RAPGEF4: variants seen among roughly 807,000 people sequenced by gnomAD.
The protein encoded by RAPGEF4 is Rap guanine nucleotide exchange factor 4, also known as RAP guanine-nucleotide-exchange factor (GEF) 4.
RAPGEF4 carries 66 observed loss-of-function variants against 147.9 expected under a neutral mutation model. The observed-to-expected ratio is 0.45, with a 90% CI of 0.37 to 0.55. RAPGEF4 has a LOEUF of 0.55. Among genes scored for constraint, RAPGEF4 ranks in the 20% least tolerant of loss-of-function variants. The pLI is 0.00. For synonymous variants in RAPGEF4, 419 were observed against 442.7 expected (o/e 0.95, Z 0.67); for missense variants, 1,071 against 1,257.3 (o/e 0.85, Z 2.24).
At chr2:172,831,820 T>C (rs1384187345) in intron 4 of RAPGEF4, among the ~76,000 whole-genome samples, 1 of 152,184 alleles carries the variant, frequency 6.6e-6, no homozygotes, top group African/African-American at 2.4e-5. Flanking sequence ...TCGAAGACGT[T>C]ATCCCTGTAA....
At chr2:172,883,282 T>C (rs1696820679) in intron 4 of RAPGEF4, among the ~76,000 whole-genome samples, 1 of 152,180 alleles carries the variant, frequency 6.6e-6, no homozygotes, top group African/African-American at 2.4e-5. Context: ...CTTCTTGCTG[T>C]ATCATCTCAT....
intron 6 of RAPGEF4, among the ~76,000 whole-genome samples, chr2:172,927,265 A>C (rs1381266972): frequency 6.6e-6 from 1 of 152,218 alleles, no homozygotes; most frequent in Non-Finnish European, 1.5e-5. Context: ...TTTGACTGTG[A>C]GGGTCAAAAG....
At chr2:172,821,128 T>A (rs933471225) in intron 4 of RAPGEF4, among the ~76,000 whole-genome samples, 1 of 152,226 alleles carries the variant, frequency 6.6e-6, no homozygotes, top group Non-Finnish European at 1.5e-5. Context: ...AATTAATATC[T>A]CAGAACACAG....
chr2:172,765,682 T>C (rs1680892364), intron 1 of RAPGEF4, among the ~76,000 whole-genome samples: 1 of 152,236 alleles, frequency 6.6e-6, no homozygotes, highest in Non-Finnish European at 1.5e-5. Flanking sequence ...TCCTCATATT[T>C]TCCTATGACC....
At position 172,797,579 on chromosome 2, in the gene RAPGEF4, T is replaced by A. The variant is rs1315802786; in HGVS notation, c.263T>A (p.Leu88Ter). The A allele has an allele frequency of 3.1e-6, 5 of 1,613,750 alleles. No individual in the cohort carries two copies. The highest frequency in any genetic ancestry group is 4.2e-6 in the Non-Finnish European group (5 of 1,179,878). Residue 88 changes from leucine to a stop codon, truncating the protein, a stop_gained, in exon 3 of 31, where the codon TTG becomes TAG. Transcript: ENST00000397081. LOFTEE classifies it high-confidence loss of function. ...TNWYAVLAGSLDVKVSETSSH... is the reference protein window; with the variant it reads ...TNWYAVLAGS ...TGGTATGCTGTCCTGGCAGGGTCTT[T>A]GGATGTTAAAGTATCTGAGACCAGC...
intron 4 of RAPGEF4, among the ~76,000 whole-genome samples, chr2:172,856,850 C>CTACA (rs1693469882): frequency 1.3e-5 from 2 of 152,152 alleles, no homozygotes; most frequent in Non-Finnish European, 2.9e-5. Flanking sequence ...ACCAGGAAGA[C>CTACA]TACAGGCTTT....
rs1478034581 is a variant in RAPGEF4 at position 172,922,271 on chromosome 2, C to T, written c.518-10C>T. 6.2e-7 allele frequency: 1 copy of T among 1,607,650 alleles called. No individual in the cohort carries two copies. The highest frequency in any genetic ancestry group is 8.5e-7 in the Non-Finnish European group (1 of 1,174,170). On this transcript the variant is annotated splice_polypyrimidine_tract_variant and intron_variant, in intron 5 of 30. Coordinates refer to ENST00000397081, the MANE Select transcript of RAPGEF4 (RefSeq NM_007023.4). The stretch of plus-strand genomic sequence containing the variant: ...TCATGGCCTCTCTCTGTCTCTTTTT[C>T]CTCCTTTAGGGATTCCTGACAAGGA...
At chr2:172,847,340 T>C (rs1476210540) in intron 4 of RAPGEF4, among the ~76,000 whole-genome samples, 1 of 152,114 alleles carries the variant, frequency 6.6e-6, no homozygotes, top group African/African-American at 2.4e-5. Context: ...GGAAACAATA[T>C]GAAAATGGTC....
chr2:173,042,714 C>T lies in RAPGEF4; in HGVS notation c.2854-5886C>T, dbSNP rs945549972. Among the ~76,000 whole-genome samples the T allele has an allele frequency of 6.6e-6, 1 of 152,150 alleles. No individual in the cohort carries two copies. Among genetic ancestry groups the T allele is most frequent in the South Asian group, 2.1e-4 (1 of 4,828 alleles). On this transcript the variant is annotated intron_variant, in intron 29 of 30. Transcript: ENST00000397081. This position sits in a 1 kb window ranked among gnomAD's most constrained non-coding sequence, Gnocchi z 4.2. ...ATTATAAAAGATGACTTTCCCTTAGCCTCTGTTCCTAACCAGACATTATTC... is the reference window on the plus strand; with the variant it reads ...ATTATAAAAGATGACTTTCCCTTAGTCTCTGTTCCTAACCAGACATTATTC...
intron 4 of RAPGEF4, among the ~76,000 whole-genome samples, chr2:172,855,675 A>G (rs1490230265): frequency 6.6e-6 from 1 of 152,144 alleles, no homozygotes; most frequent in African/African-American, 2.4e-5. Context: ...TTGGCCTCCA[A>G]TGTTGAAGAA....
At chr2:172,905,037 A>G (rs988295486) in intron 4 of RAPGEF4, among the ~76,000 whole-genome samples, 2 of 151,324 alleles carry the variant, frequency 1.3e-5, no homozygotes, top group African/African-American at 4.9e-5. Context: ...CCTTGCCCTT[A>G]TTCTCCACCC....
chr2:172,990,171 TA>T lies in RAPGEF4; in HGVS notation c.1375-637del, dbSNP rs150644382. Among the ~76,000 whole-genome samples the T allele has an allele frequency of 6.1e-3, 927 of 152,278 alleles. 14 individuals are homozygous for T. The highest frequency in any genetic ancestry group is 0.021 in the African/African-American group (878 of 41,562). On this transcript the variant is annotated intron_variant, in intron 14 of 30. Transcript: ENST00000397081. ...GAAAAGCATGTTAAAATTTTTAAACTAACTATTTACAATGATATTGAAATTT... is the reference window on the plus strand; with the variant it reads ...GAAAAGCATGTTAAAATTTTTAAACTACTATTTACAATGATATTGAAATTT...
intron 4 of RAPGEF4, among the ~76,000 whole-genome samples, chr2:172,880,771 T>TG: frequency 6.6e-6 from 1 of 152,288 alleles, no homozygotes; most frequent in African/African-American, 2.4e-5. Context: ...CTCTGTAAAA[T>TG]GGAGATACCA....
intron 6 of RAPGEF4, among the ~76,000 whole-genome samples, chr2:172,951,810 G>A (rs550669343): frequency 1.5e-3 from 227 of 152,292 alleles, no homozygotes; most frequent in African/African-American, 5.1e-3. Context: ...GAAGCCATTG[G>A]AGGATTTGGG....
intron 3 of RAPGEF4, among the ~76,000 whole-genome samples, chr2:172,813,251 C>T (rs1688188807): frequency 1.3e-5 from 2 of 152,142 alleles, no homozygotes; most frequent in South Asian, 2.1e-4. Flanking sequence ...CAGAGGATTA[C>T]CCTTGTGTGT....
Position 172,892,780 on chromosome 2 carries a change from C to T in RAPGEF4, c.445-25022C>T, listed in dbSNP as rs1201959623. Among the ~76,000 whole-genome samples, 7 of 152,256 alleles carry T rather than the reference C, an allele frequency of 4.6e-5. No individual in the cohort carries two copies. The East Asian group carries it at 1.4e-3, about 29-fold the overall frequency. On this transcript the variant is annotated intron_variant, in intron 4 of 30. Transcript: ENST00000397081. ...GGGATTGGTCATCTCCCAAATGAGC[C>T]GCATTTAGGCTCTGCTTTCACGTTC...
intron 12 of RAPGEF4, among the ~76,000 whole-genome samples, chr2:172,986,443 G>C (rs767867640): frequency 2.0e-5 from 3 of 152,144 alleles, no homozygotes; most frequent in Non-Finnish European, 2.9e-5. Flanking sequence ...CATCAAAAAT[G>C]ATATTTCTGA....
At chr2:172,830,388 T>C (rs1216305495) in intron 4 of RAPGEF4, among the ~76,000 whole-genome samples, 1 of 152,248 alleles carries the variant, frequency 6.6e-6, no homozygotes, top group African/African-American at 2.4e-5. Context: ...TTTAAATAGC[T>C]GACATCATTT....
At chr2:172,771,825 G>T (rs972817321) in intron 1 of RAPGEF4, among the ~76,000 whole-genome samples, 1 of 152,068 alleles carries the variant, frequency 6.6e-6, no homozygotes, top group East Asian at 1.9e-4. Flanking sequence ...ATATGAAGTG[G>T]TTATATTGTG....
Sources: gnomAD v4.1 joint callset for allele counts (sites outside exome capture counted in the v4.1 genomes callset) on GRCh38, gnomAD v4.1.1 for gene constraint, Gnocchi (gnomAD v3.1) non-coding constraint, MANE v1.5 for transcripts, NCBI Gene and HGNC (gene_info 2026-07-23, HGNC 2026-07-21) for gene names.